Variants in P2RX1 observed in about 807,000 individuals in gnomAD.
P2RX1 encodes P2X purinoceptor 1.
P2RX1 carries 42 observed loss-of-function variants against 50.3 expected under a neutral mutation model. The observed-to-expected ratio is 0.83, with a 90% confidence interval of 0.65 to 1.08. P2RX1 has a LOEUF of 1.08. P2RX1 is among the 50% of genes least tolerant of loss of function. The pLI is 0.00. For missense variants in P2RX1, 449 were observed against 529.0 expected (o/e 0.85, Z 1.48); for synonymous variants, 199 against 202.6 (o/e 0.98, Z 0.15).
intron 1 of P2RX1, among the ~76,000 whole-genome samples, chr17:3,907,632 A>T (rs927167160): frequency 6.6e-6 from 1 of 152,084 alleles, no homozygotes; most frequent in African/African-American, 2.4e-5. Flanking sequence ...TCACCTTGGC[A>T]CTGGGGCCAA....
chr17:3,904,547 C>T (rs1277714052), intron 3 of P2RX1, 148 bp from the exon 4 acceptor site: 25 of 736,730 alleles, frequency 3.4e-5, no homozygotes, highest in Middle Eastern at 3.7e-4. Flanking sequence ...CTCCTTCCCC[C>T]ATTTCCCCCC....
chr17:3,897,796 G>A lies in P2RX1; in HGVS notation c.*18C>T, dbSNP rs752206918. On this transcript the variant is annotated 3_prime_UTR_variant, in exon 12 of 12. Transcript: ENST00000225538. The stretch of plus-strand genomic sequence containing the variant: ...TGAAGCCTCACGCTGCACCCAGTCA[G>A]GAGTTGGGGCCCGAGCATCAGGATG... 2 of 1,611,096 alleles carry A rather than the reference G, an allele frequency of 1.2e-6. No homozygotes were observed. Among genetic ancestry groups the A allele is most frequent in the African/African-American group, 1.3e-5 (1 of 74,840 alleles).
At chr17:3,907,508 A>G (rs2056289632) in intron 1 of P2RX1, among the ~76,000 whole-genome samples, 1 of 152,084 alleles carries the variant, frequency 6.6e-6, no homozygotes, top group Non-Finnish European at 1.5e-5. Context: ...AGAACTCTCC[A>G]GGCCTCTTAG....
Position 3,903,708 on chromosome 17 carries a change from G to A in P2RX1, c.525-77C>T. On this transcript the variant is annotated intron_variant, in intron 5 of 11. Transcript: ENST00000225538. The surrounding 1 kb of genome is among the most constrained non-coding windows in gnomAD (Gnocchi z 4.6). Reference sequence around the variant, plus strand: ...GTCCCACACAGAGCTTGGCACAGCAGGGGGTGGGCCGAGCCTCCGGGACCC... The same window carrying A: ...GTCCCACACAGAGCTTGGCACAGCAAGGGGTGGGCCGAGCCTCCGGGACCC... The A allele has an allele frequency of 6.6e-7, 1 of 1,505,968 alleles. No individual in the cohort carries two copies. The allele number at this position is 1,505,968 out of a possible 1,614,324, so 93.3% of individuals were successfully genotyped here.
rs1189452214 is a variant in P2RX1, at chr17:3,899,632, A to C, written c.875+2T>G. On this transcript the variant is annotated splice_donor_variant, in intron 8 of 11. Coordinates refer to ENST00000225538, the MANE Select transcript of P2RX1 (RefSeq NM_002558.4). LOFTEE classifies it high-confidence loss of function. ...ATGTGCTGCTGGGGGCCTGGCAGAC[A>C]CCTGAAGTTGAAGCCTGGGGAGAGA... is the stretch of plus-strand genomic sequence containing the variant. 1 of 1,613,040 alleles carries C rather than the reference A, an allele frequency of 6.2e-7. No homozygotes were observed.
chr17:3,907,684 C>T (rs1467740972), intron 1 of P2RX1, among the ~76,000 whole-genome samples: 2 of 152,228 alleles, frequency 1.3e-5, no homozygotes, highest in African/African-American at 4.8e-5. Context: ...CTGCTGTCCC[C>T]TGCAGGTCCC....
chr17:3,903,852 A>G lies in P2RX1; in HGVS notation c.524+76T>C. ...GGTGGGGTCAGAAAAAGGGGTAAAG[A>G]TCCTTTCTAGACCTAGGCCCCCCTC... is the stretch of plus-strand genomic sequence containing the variant. On this transcript the variant is annotated intron_variant, in intron 5 of 11. Coordinates refer to ENST00000225538, the MANE Select transcript of P2RX1 (RefSeq NM_002558.4). The surrounding 1 kb of genome is among the most constrained non-coding windows in gnomAD (Gnocchi z 4.6). 7.6e-7 allele frequency: 1 copy of G among 1,313,406 alleles called. No individual in the cohort carries two copies. The highest frequency in any genetic ancestry group is 1.1e-6 in the Non-Finnish European group (1 of 907,830). 81.4% of individuals were successfully genotyped at this position (1,313,406 alleles called of 1,614,324 possible).
Position 3,903,862 on chromosome 17 carries a change from G to C in P2RX1, c.524+66C>G, listed in dbSNP as rs1597515902. 5.9e-6 allele frequency: 8 copies of C among 1,362,554 alleles called. No individual in the cohort carries two copies. The East Asian group carries it at 1.8e-4, about 31-fold the overall frequency. 84.4% of individuals were successfully genotyped at this position (1,362,554 alleles called of 1,614,324 possible). A position where few individuals can be genotyped will look rare whatever the true frequency, so the allele number is the denominator to read the frequency against. On this transcript the variant is annotated intron_variant, in intron 5 of 11. Coordinates refer to ENST00000225538, the MANE Select transcript of P2RX1 (RefSeq NM_002558.4). The surrounding 1 kb of genome is among the most constrained non-coding windows in gnomAD (Gnocchi z 4.6). Reference sequence around the variant, plus strand: ...GAAAAAGGGGTAAAGATCCTTTCTAGACCTAGGCCCCCCTCTGTCTGGCCT... The same window carrying C: ...GAAAAAGGGGTAAAGATCCTTTCTACACCTAGGCCCCCCTCTGTCTGGCCT...
intron 1 of P2RX1, among the ~76,000 whole-genome samples, chr17:3,909,664 T>G (rs1373770698): frequency 4.6e-5 from 7 of 152,100 alleles, no homozygotes; most frequent in African/African-American, 1.7e-4. Flanking sequence ...CTGGGCAACA[T>G]AGTAACACGC....
chr17:3,904,954 G>GT, intron 2 of P2RX1, 25 bp from the exon 3 acceptor site: 1 of 1,289,904 alleles, frequency 7.8e-7, no homozygotes, highest in Non-Finnish European at 1.1e-6. Flanking sequence ...CAGGGGGAGG[G>GT]TGGGGTGGGC....
In P2RX1 at chr17:3,899,764, G is replaced by C; in HGVS notation, c.748-3C>G. 1.2e-6 allele frequency: 2 copies of C among 1,613,238 alleles called. No individual in the cohort carries two copies. Among genetic ancestry groups the C allele is most frequent in the Non-Finnish European group, 1.7e-6 (2 of 1,179,456 alleles). ...ATGGTGATGCCAACCACTCCACCCT[G>C]CCAGGGACACAAGTAGTTAAGATCT... is the stretch of plus-strand genomic sequence containing the variant. On this transcript the variant is annotated splice_polypyrimidine_tract_variant and splice_region_variant and intron_variant, in intron 7 of 11. Transcript: ENST00000225538.
chr17:3,902,792 G>A (rs1020488145), intron 7 of P2RX1, among the ~76,000 whole-genome samples: 2 of 151,282 alleles, frequency 1.3e-5, no homozygotes, highest in African/African-American at 2.4e-5. Context: ...ATTTTTAGTA[G>A]AGAAGGAGAT....
chr17:3,912,246 T>C (rs2056377951), intron 1 of P2RX1, among the ~76,000 whole-genome samples: 1 of 152,230 alleles, frequency 6.6e-6, no homozygotes, highest in Non-Finnish European at 1.5e-5. Context: ...CAGCCGGGCC[T>C]GAAACCCACA....
At chr17:3,906,633 G>A (rs1489171306) in intron 1 of P2RX1, among the ~76,000 whole-genome samples, 3 of 152,216 alleles carry the variant, frequency 2.0e-5, no homozygotes, top group Admixed American at 2.0e-4. Flanking sequence ...CCCCTCGGTC[G>A]AGGCACTGTG....
chr17:3,914,380 ATAGGT>A lies in P2RX1; in HGVS notation c.137+1704_137+1708del, dbSNP rs1428325176. Among the ~76,000 whole-genome samples, 1 of 151,806 alleles carries A rather than the reference ATAGGT, an allele frequency of 6.6e-6. No homozygotes were observed. The highest frequency in any genetic ancestry group is 1.5e-5 in the Non-Finnish European group (1 of 68,004). On this transcript the variant is annotated intron_variant, in intron 1 of 11. Coordinates refer to ENST00000225538, the MANE Select transcript of P2RX1 (RefSeq NM_002558.4). This position sits in a 1 kb window ranked among gnomAD's most constrained non-coding sequence, Gnocchi z 4.1. ...TAGTGAGGTCCCCGTCACTGGAGGT[ATAGGT>A]TCCCGGCTGGGCAGCAGCTTGGGGC...
intron 1 of P2RX1, 138 bp from the exon 2 acceptor site, chr17:3,905,505 C>G: frequency 1.3e-5 from 12 of 937,678 alleles, no homozygotes; most frequent in Non-Finnish European, 1.8e-5. Flanking sequence ...AGAGGCAGGA[C>G]AGCCTCCCCT....
chr17:3,901,108 C>T (rs2056130711), intron 7 of P2RX1, among the ~76,000 whole-genome samples: 1 of 152,042 alleles, frequency 6.6e-6, no homozygotes, highest in Non-Finnish European at 1.5e-5. Context: ...TGCTCTGTCA[C>T]CCAGACTGGA....
intron 7 of P2RX1, among the ~76,000 whole-genome samples, chr17:3,901,249 A>C (rs1278338206): frequency 1.3e-5 from 2 of 152,130 alleles, no homozygotes; most frequent in Non-Finnish European, 2.9e-5. Context: ...TTATATTTTT[A>C]GTAGAGACGG....
intron 1 of P2RX1, 147 bp from the exon 2 acceptor site, chr17:3,905,514 C>G: frequency 1.2e-6 from 1 of 818,014 alleles, no homozygotes; most frequent in Non-Finnish European, 1.9e-6. Context: ...ACAGCCTCCC[C>G]TGCCTCCCGC....
Sources: gnomAD v4.1 joint callset for allele counts (sites outside exome capture counted in the v4.1 genomes callset) on GRCh38, gnomAD v4.1.1 for gene constraint, Gnocchi (gnomAD v3.1) non-coding constraint, MANE v1.5 for transcripts, NCBI Gene and HGNC (gene_info 2026-07-23, HGNC 2026-07-21) for gene names.